SORL1: variants seen among roughly 807,000 people sequenced by gnomAD.
SORL1 encodes sortilin-related receptor.
In SORL1, 127 loss-of-function variants were observed where a neutral mutation model predicts 273.7. The observed-to-expected ratio is 0.46, with a 90% CI of 0.40 to 0.54. The LOEUF (loss-of-function observed/expected upper bound fraction) is 0.54, where lower values mean the gene tolerates loss of function less well. SORL1 is among the 20% of genes least tolerant of loss of function. The pLI is 0.00. For missense variants in SORL1, 2,494 were observed against 2,846.1 expected, an observed-to-expected ratio of 0.88 and a Z score of 2.81; for synonymous variants, 1,031 against 1,067.4, an observed-to-expected ratio of 0.97 and a Z score of 0.66.
At chr11:121,589,205 C>T (rs974261578) in intron 28 of SORL1, 54 bp from the exon 29 acceptor site, 83 of 1,602,214 alleles carry the variant, frequency 5.2e-5, no homozygotes, top group African/African-American at 4.6e-4. Flanking sequence ...ACTGCTGCTT[C>T]GACCCCTCAG....
chr11:121,598,217 T>C (rs781069473), intron 32 of SORL1, among the ~76,000 whole-genome samples: 1 of 152,102 alleles, frequency 6.6e-6, no homozygotes, highest in Admixed American at 6.5e-5. Context: ...TGAGGTGAGA[T>C]TGGAAGCCAG....
chr11:121,487,095 T>C (rs535061637), intron 3 of SORL1, among the ~76,000 whole-genome samples: 2 of 152,332 alleles, frequency 1.3e-5, no homozygotes, highest in African/African-American at 2.4e-5. Flanking sequence ...ACCTCTTCCA[T>C]GGAATCATTT....
chr11:121,470,692 T>TG (rs776476777), intron 2 of SORL1, among the ~76,000 whole-genome samples: 1 of 152,122 alleles, frequency 6.6e-6, no homozygotes, highest in Non-Finnish European at 1.5e-5. Context: ...ATTTTTTTTT[T>TG]GAGTTGGGGT....
Position 121,583,438 on chromosome 11 carries a change from G to T in SORL1, c.3581-20G>T, listed in dbSNP as rs1307095759. ...ATGGAGATGAGGGGTGTGCGACTGT[G>T]TCTCTCTTCTCTGTTACAGCCATCT... On this transcript the variant is annotated intron_variant, in intron 25 of 47. Coordinates refer to ENST00000260197, the MANE Select transcript of SORL1 (RefSeq NM_003105.6). 6.2e-7 allele frequency: 1 copy of T among 1,605,940 alleles called. No homozygotes were observed. Among genetic ancestry groups the T allele is most frequent in the Non-Finnish European group, 8.5e-7 (1 of 1,175,712 alleles).
At position 121,621,199 on chromosome 11, in the gene SORL1, G is replaced by C; in HGVS notation, c.6025G>C (p.Gly2009Arg). 2 of 1,614,122 alleles carry C rather than the reference G, an allele frequency of 1.2e-6. No homozygotes were observed. Among genetic ancestry groups the C allele is most frequent in the Non-Finnish European group, 1.7e-6 (2 of 1,180,000 alleles). Residue 2009 changes from glycine (G) to arginine (R), a missense_variant, in exon 44 of 48, where the codon GGG (glycine) becomes CGG (arginine). By Grantham distance (125) the Gly-to-Arg change is moderately radical. Transcript: ENST00000260197. Reference sequence around the variant, plus strand: ...GAAATACCACATCATTGTCCAACTGGGGAACATGAGCAAAGATTCCAGCAT... The same window carrying C: ...GAAATACCACATCATTGTCCAACTGCGGAACATGAGCAAAGATTCCAGCAT... Reference protein sequence around the residue: ...GGKYHIIVQLGNMSKDSSIKI... With the variant: ...GGKYHIIVQLRNMSKDSSIKI...
intron 3 of SORL1, among the ~76,000 whole-genome samples, chr11:121,479,353 A>G (rs1861337465): frequency 6.6e-6 from 1 of 152,152 alleles, no homozygotes; most frequent in Non-Finnish European, 1.5e-5. Context: ...CAGATCTTCT[A>G]CGGAAAGACC....
chr11:121,618,446 T>C (rs1863670440), intron 41 of SORL1, among the ~76,000 whole-genome samples: 2 of 152,108 alleles, frequency 1.3e-5, no homozygotes, highest in African/African-American at 2.4e-5. Context: ...GTTCCCTGGC[T>C]CATCATGTGG....
intron 21 of SORL1, among the ~76,000 whole-genome samples, chr11:121,561,690 G>GAA (rs34672730): frequency 0.019 from 2,068 of 109,676 alleles, 70 homozygotes; most frequent in African/African-American, 0.048. Flanking sequence ...CCCTGTCACC[G>GAA]AAAAAAAAAA....
intron 38 of SORL1, chr11:121,608,911 G>A (rs1260935563): frequency 6.6e-6 from 1 of 152,464 alleles, no homozygotes; most frequent in Admixed American, 6.5e-5. Context: ...CTTGCCGGGG[G>A]TGGCGGGCTC....
chr11:121,558,254 A>G (rs570540395), intron 19 of SORL1, among the ~76,000 whole-genome samples: 65 of 152,240 alleles, frequency 4.3e-4, no homozygotes, highest in Non-Finnish European at 3.2e-4. Context: ...CTGTGTGAGC[A>G]TATATAGATT....
intron 25 of SORL1, among the ~76,000 whole-genome samples, chr11:121,580,248 C>G (rs148028881): frequency 6.6e-6 from 1 of 152,204 alleles, no homozygotes; most frequent in East Asian, 1.9e-4. Flanking sequence ...GTCTTGTCTT[C>G]AGCAGTTACT....
intron 39 of SORL1, chr11:121,611,574 T>C (rs1863564646): frequency 6.4e-6 from 1 of 155,636 alleles, no homozygotes; most frequent in Admixed American, 6.4e-5. Flanking sequence ...CATATTCACT[T>C]TCCATCCACC....
intron 5 of SORL1, among the ~76,000 whole-genome samples, chr11:121,494,662 G>A (rs1459944689): frequency 6.6e-6 from 1 of 152,162 alleles, no homozygotes; most frequent in Non-Finnish European, 1.5e-5. Flanking sequence ...ACTTGTAGGT[G>A]GAGCAGCTTG....
At position 121,550,214 on chromosome 11, in the gene SORL1, T is replaced by A; in HGVS notation, c.2180+126T>A. ...GAATTCCAAGTTAACAGCCTGCAAG[T>A]AGTTTGGGCAACATTATAAATTATG... is the stretch of plus-strand genomic sequence containing the variant. On this transcript the variant is annotated intron_variant, in intron 15 of 47. Transcript: ENST00000260197. The surrounding 1 kb of genome is among the most constrained non-coding windows in gnomAD (Gnocchi z 5.3). The A allele has an allele frequency of 1.0e-6, 1 of 954,022 alleles. No individual in the cohort carries two copies. Among genetic ancestry groups the A allele is most frequent in the Non-Finnish European group, 1.5e-6 (1 of 657,584 alleles). 59.1% of individuals were successfully genotyped at this position (954,022 alleles called of 1,614,324 possible).
intron 32 of SORL1, among the ~76,000 whole-genome samples, chr11:121,597,102 C>T (rs1418158862): frequency 6.6e-6 from 1 of 152,240 alleles, no homozygotes; most frequent in Non-Finnish European, 1.5e-5. Flanking sequence ...CAAGCCTTTT[C>T]AGAGGTGCCC....
At chr11:121,621,925 G>T (rs1048669959) in intron 44 of SORL1, among the ~76,000 whole-genome samples, 1 of 152,078 alleles carries the variant, frequency 6.6e-6, no homozygotes, top group Non-Finnish European at 1.5e-5. Flanking sequence ...TGGTTACAAG[G>T]GCTATTAAGT....
chr11:121,517,951 T>C (rs1208434295), intron 8 of SORL1, among the ~76,000 whole-genome samples: 2 of 152,180 alleles, frequency 1.3e-5, no homozygotes, highest in Non-Finnish European at 2.9e-5. Context: ...TTGAACTGAA[T>C]AGGAAAGAGT....
In SORL1 at chr11:121,558,631, A is replaced by T; in HGVS notation, c.2704A>T (p.Ile902Phe). The change falls in exon 20 of 48, where the codon ATT (isoleucine) becomes TTT (phenylalanine). Residue 902 changes from isoleucine to phenylalanine, a missense_variant. This residue lies in a region of SORL1 where 1,609 missense variants were observed against 1,816.4 expected (regional missense o/e 0.89). Transcript: ENST00000260197. Reference sequence around the variant, plus strand: ...AGACTGGGGAGACCTGAAGCCTGGGATTTATCGGAGCAATATGGATGGTTC... The same window carrying T: ...AGACTGGGGAGACCTGAAGCCTGGGTTTTATCGGAGCAATATGGATGGTTC... The part of the protein sequence containing the change: ...WTDWGDLKPG[I>F]YRSNMDGSAA... 1 of 1,613,956 alleles carries T rather than the reference A, an allele frequency of 6.2e-7. No individual in the cohort carries two copies. Among genetic ancestry groups the T allele is most frequent in the Non-Finnish European group, 8.5e-7 (1 of 1,179,988 alleles).
intron 38 of SORL1, chr11:121,608,969 TCTCTA>T (rs1429683084): frequency 6.6e-6 from 1 of 152,226 alleles, no homozygotes; most frequent in Non-Finnish European, 1.5e-5. Flanking sequence ...GGTCTGTTTT[TCTCTA>T]CTCTATCACG....
Sources: allele counts gnomAD v4.1 joint callset (sites outside exome capture counted in the v4.1 genomes callset), GRCh38; gene constraint gnomAD v4.1.1; regional missense constraint gnomAD v4.1.1; non-coding constraint Gnocchi (gnomAD v3.1); transcripts MANE v1.5; gene names NCBI Gene and HGNC (gene_info 2026-07-23, HGNC 2026-07-21).